Variants in KANSL1L observed in about 807,000 individuals in gnomAD.
The protein encoded by KANSL1L is KAT8 regulatory NSL complex subunit 1 like.
KANSL1L carries 25 observed loss-of-function variants against 108.6 expected under a neutral mutation model. The observed-to-expected ratio is 0.23, with a 90% CI of 0.17 to 0.32. The LOEUF (loss-of-function observed/expected upper bound fraction) is 0.32. KANSL1L is among the 10% of genes least tolerant of loss of function. The pLI is 1.00. For synonymous variants in KANSL1L, 405 were observed against 395.1 expected, an observed-to-expected ratio of 1.03 and a Z score of -0.30; for missense variants, 1,137 against 1,125.7, an observed-to-expected ratio of 1.01 and a Z score of -0.14.
At chr2:210,072,908 T>C (rs2094517402) in intron 6 of KANSL1L, among the ~76,000 whole-genome samples, 1 of 152,212 alleles carries the variant, frequency 6.6e-6, no homozygotes, top group East Asian at 1.9e-4. Context: ...CTATGATGAT[T>C]GCAAAATGAT....
At chr2:210,138,098 G>T (rs2095191123) in intron 2 of KANSL1L, among the ~76,000 whole-genome samples, 1 of 151,860 alleles carries the variant, frequency 6.6e-6, no homozygotes, top group Non-Finnish European at 1.5e-5. Context: ...ATAAAAATGT[G>T]CATTTTGGAA....
chr2:210,165,158 C>T (rs968810193), intron 1 of KANSL1L, among the ~76,000 whole-genome samples: 19 of 150,142 alleles, frequency 1.3e-4, no homozygotes, highest in Non-Finnish European at 1.9e-4. Flanking sequence ...GAATTTTCAA[C>T]TTACATTCCA....
upstream of KANSL1L, among the ~76,000 whole-genome samples, chr2:210,172,053 G>T (rs978444593): frequency 6.6e-6 from 1 of 151,448 alleles, no homozygotes; most frequent in African/African-American, 2.4e-5. Flanking sequence ...TTTGAGTGGC[G>T]CTGGACCTAA....
chr2:210,054,308 C>T (rs1442924102), intron 6 of KANSL1L, among the ~76,000 whole-genome samples: 5 of 118,762 alleles, frequency 4.2e-5, no homozygotes, highest in Admixed American at 2.0e-4. Context: ...GGCAACAGAG[C>T]GAGACTCCAT....
chr2:210,138,548 G>A (rs543163128), intron 2 of KANSL1L, among the ~76,000 whole-genome samples: 2 of 152,150 alleles, frequency 1.3e-5, no homozygotes, highest in Non-Finnish European at 2.9e-5. Context: ...GCAGTGTTTA[G>A]ATTTGTCTAA....
intron 2 of KANSL1L, among the ~76,000 whole-genome samples, chr2:210,143,984 C>T (rs1301855427): frequency 2.0e-5 from 3 of 152,038 alleles, no homozygotes; most frequent in Non-Finnish European, 4.4e-5. Flanking sequence ...CTGAAGAATT[C>T]CCTTTACCAT....
At chr2:210,109,631 T>C (rs1236296315) in intron 3 of KANSL1L, among the ~76,000 whole-genome samples, 43 of 152,294 alleles carry the variant, frequency 2.8e-4, no homozygotes, top group Non-Finnish European at 1.5e-5. Flanking sequence ...TCTATATTAA[T>C]GCTAACATTC....
chr2:210,162,698 A>T (rs1017165924), intron 1 of KANSL1L, among the ~76,000 whole-genome samples: 1 of 124,974 alleles, frequency 8.0e-6, no homozygotes. Flanking sequence ...ATAAAAGAGG[A>T]AGGACGCTAA....
At chr2:210,048,511 G>A (rs550131416) in intron 6 of KANSL1L, among the ~76,000 whole-genome samples, 5 of 151,518 alleles carry the variant, frequency 3.3e-5, no homozygotes, top group East Asian at 1.9e-4. Context: ...TTTACATTTT[G>A]TATGGATAAT....
rs1400499434 is a variant in KANSL1L at position 210,104,274 on chromosome 2, G to A, written c.1258C>T (p.Leu420Phe). The A allele has an allele frequency of 6.2e-7, 1 of 1,613,456 alleles. No homozygotes were observed. The highest frequency in any genetic ancestry group is 8.5e-7 in the Non-Finnish European group (1 of 1,179,694). ...KGIVVLEECQLPKDILKKQMQ... is the reference protein window; with the variant it reads ...KGIVVLEECQFPKDILKKQMQ... ...TGTTTTTTCAAAATATCTTTTGGAA[G>A]CTGACATTCTTCTAGGACCACTATC... The change falls in exon 4 of 15, where the codon CTT becomes TTT. Residue 420 changes from leucine to phenylalanine, a missense_variant. By Grantham distance (22) the Leu-to-Phe change is conservative. Around this residue, in one of 3 missense-constraint regions of KANSL1L, gnomAD observed 556 missense variants for 537.7 expected, o/e 1.03. Coordinates refer to ENST00000281772, the MANE Select transcript of KANSL1L (RefSeq NM_152519.4).
intron 3 of KANSL1L, among the ~76,000 whole-genome samples, chr2:210,109,262 A>G (rs2094881797): frequency 6.6e-6 from 1 of 152,142 alleles, no homozygotes; most frequent in African/African-American, 2.4e-5. Flanking sequence ...TATCTCCCTT[A>G]CCAGAATATA....
At chr2:210,130,670 G>C (rs2095111417) in intron 2 of KANSL1L, among the ~76,000 whole-genome samples, 1 of 151,942 alleles carries the variant, frequency 6.6e-6, no homozygotes, top group African/African-American at 2.4e-5. Flanking sequence ...CCTAACTGTG[G>C]ACAAAATAAA....
intron 6 of KANSL1L, among the ~76,000 whole-genome samples, chr2:210,050,405 A>G (rs1027165318): frequency 7.9e-5 from 12 of 152,316 alleles, no homozygotes; most frequent in African/African-American, 2.2e-4. Context: ...ACCCAAATAT[A>G]TAACATCCAC....
At chr2:210,028,311 C>A (rs2093964930) in intron 11 of KANSL1L, 1 of 152,254 alleles carries the variant, frequency 6.6e-6, no homozygotes, top group African/African-American at 2.4e-5. Context: ...TAAATACCTT[C>A]TCCACCTTCC....
At chr2:210,045,903 A>G (rs190689823) in intron 6 of KANSL1L, among the ~76,000 whole-genome samples, 7 of 152,284 alleles carry the variant, frequency 4.6e-5, no homozygotes, top group Admixed American at 4.6e-4. Flanking sequence ...CAGGCTTACC[A>G]TAAGATTCTG....
At chr2:210,082,001 AC>A (rs1029623381) in intron 5 of KANSL1L, among the ~76,000 whole-genome samples, 2 of 152,158 alleles carry the variant, frequency 1.3e-5, no homozygotes, top group Non-Finnish European at 2.9e-5. Context: ...TGGTATGAAC[AC>A]AGCTCACAGC....
chr2:210,063,201 C>T (rs551311180), intron 6 of KANSL1L, among the ~76,000 whole-genome samples: 10 of 152,306 alleles, frequency 6.6e-5, no homozygotes, highest in African/African-American at 2.4e-4. Context: ...TGGTGTTGAG[C>T]CTGCAAGTGC....
intron 6 of KANSL1L, among the ~76,000 whole-genome samples, chr2:210,061,015 A>T (rs899261649): frequency 6.6e-6 from 1 of 152,222 alleles, no homozygotes. Context: ...AGCATGACCA[A>T]ATAAAACTCT....
chr2:210,079,648 A>G (rs369490871), intron 5 of KANSL1L, among the ~76,000 whole-genome samples: 199 of 15,168 alleles, frequency 0.013, 16 homozygotes, highest in African/African-American at 0.028. Flanking sequence ...ATATATATAT[A>G]TATATATATA....
Sources: allele counts gnomAD v4.1 joint callset (sites outside exome capture counted in the v4.1 genomes callset), GRCh38; gene constraint gnomAD v4.1.1; regional missense constraint gnomAD v4.1.1; transcripts MANE v1.5; gene names NCBI Gene and HGNC (gene_info 2026-07-23, HGNC 2026-07-21).